Variants in SEC24B observed in about 807,000 individuals in gnomAD.
The protein encoded by SEC24B is protein transport protein Sec24B.
In SEC24B, 45 loss-of-function variants were observed where a neutral mutation model predicts 142.8. The ratio of observed to expected loss-of-function variants is 0.32; its 90% CI spans 0.25 to 0.40. The LOEUF is 0.40. Ranked by LOEUF, SEC24B falls within the 10% of genes least tolerant of loss-of-function variation. The probability of loss-of-function intolerance (pLI) is 1.00; values close to 1 mark genes in which losing one functional copy is unlikely to be tolerated. For synonymous variants in SEC24B, 574 were observed against 568.2 expected (o/e 1.01, Z -0.15); for missense variants, 1,409 against 1,526.8 (o/e 0.92, Z 1.29).
intron 1 of SEC24B, chr4:109,449,449 C>G (rs1318648715): frequency 2.3e-6 from 1 of 433,296 alleles, no homozygotes; most frequent in African/African-American, 2.1e-5. Context: ...CCAAGCTAGT[C>G]TTGAACTCCT....
At chr4:109,451,614 C>G (rs1254906141) in intron 1 of SEC24B, among the ~76,000 whole-genome samples, 1 of 152,160 alleles carries the variant, frequency 6.6e-6, no homozygotes, top group East Asian at 1.9e-4. Context: ...CTATCTTGTA[C>G]TTGCCTTATC....
chr4:109,488,196 T>C (rs1324574045), intron 4 of SEC24B, among the ~76,000 whole-genome samples: 1 of 152,196 alleles, frequency 6.6e-6, no homozygotes, highest in African/African-American at 2.4e-5. Context: ...CAACCATCAC[T>C]ACTATGTAAT....
chr4:109,527,258 T>C, intron 17 of SEC24B, 64 bp from the exon 18 acceptor site: 1 of 1,106,192 alleles, frequency 9.0e-7, no homozygotes. Context: ...AAAAAGTATT[T>C]GACATGTTTG....
In SEC24B at chr4:109,511,984, A is replaced by G. The variant is rs1737387718; in HGVS notation, c.1804A>G (p.Ile602Val). 1.9e-6 allele frequency: 3 copies of G among 1,613,756 alleles called. No individual in the cohort carries two copies. Among genetic ancestry groups the G allele is most frequent in the Non-Finnish European group, 2.5e-6 (3 of 1,179,892 alleles). ...TQLPVITSNT[I>V]VRCRSCRTYI... ...ATTACCAGTGATAACATCAAATACC[A>G]TTGTGAGGTGCCGATCCTGTCGAAC... is the stretch of plus-strand genomic sequence containing the variant. The change falls in exon 9 of 24, where the codon ATT becomes GTT. Residue 602 changes from isoleucine (I) to valine (V), a missense_variant. Transcript: ENST00000265175.
At position 109,520,478 on chromosome 4, in the gene SEC24B, A is replaced by G; in HGVS notation, c.2239A>G (p.Ile747Val). The part of the protein sequence containing the change: ...SQPQMLIVSD[I>V]DDVFLPTPDS... ...GCCTCAAATGTTGATTGTGTCTGAT[A>G]TAGATGGTAAGCAGTCAGTAAAATA... The change falls in exon 12 of 24, where the codon ATA becomes GTA. Residue 747 changes from isoleucine to valine, a missense_variant. Physicochemically the swap from Ile to Val is conservative, Grantham distance 29. This residue lies in a region of SEC24B where 700 missense variants were observed against 853.3 expected (regional missense o/e 0.82). Coordinates refer to ENST00000265175, the MANE Select transcript of SEC24B (RefSeq NM_006323.5). 1 of 1,576,074 alleles carries G rather than the reference A, an allele frequency of 6.3e-7. No homozygotes were observed. The highest frequency in any genetic ancestry group is 8.7e-7 in the Non-Finnish European group (1 of 1,147,288).
intron 4 of SEC24B, among the ~76,000 whole-genome samples, chr4:109,486,279 T>C (rs550032161): frequency 9.9e-5 from 15 of 152,238 alleles, no homozygotes; most frequent in Non-Finnish European, 1.3e-4. Flanking sequence ...GTTTGAGTTA[T>C]AGCCTTTTCA....
chr4:109,528,747 C>G (rs1724551881), intron 18 of SEC24B, among the ~76,000 whole-genome samples: 3 of 126,082 alleles, frequency 2.4e-5, no homozygotes. Context: ...TGTAGATGAA[C>G]TTAGACATGA....
intron 12 of SEC24B, among the ~76,000 whole-genome samples, chr4:109,520,821 C>T (rs146829391): frequency 0.019 from 2,931 of 152,084 alleles, 98 homozygotes; most frequent in African/African-American, 0.067. Flanking sequence ...GGAGAAACCC[C>T]GTCTCTGCTA....
chr4:109,448,276 A>G (rs1225359216), intron 1 of SEC24B, among the ~76,000 whole-genome samples: 1 of 152,096 alleles, frequency 6.6e-6, no homozygotes, highest in Non-Finnish European at 1.5e-5. Flanking sequence ...AAGGTAAACC[A>G]TTAGAAGGCA....
At chr4:109,495,860 AT>A (rs1437289749) in intron 6 of SEC24B, among the ~76,000 whole-genome samples, 3 of 152,120 alleles carry the variant, frequency 2.0e-5, no homozygotes, top group Non-Finnish European at 2.9e-5. Flanking sequence ...TCGTTAGAGA[AT>A]GGTTTGGGGC....
intron 3 of SEC24B, among the ~76,000 whole-genome samples, chr4:109,481,440 A>G (rs983068447): frequency 3.3e-5 from 5 of 152,222 alleles, no homozygotes; most frequent in Admixed American, 2.6e-4. Context: ...TGGACAATAC[A>G]TGATAGATAC....
chr4:109,491,449 A>T (rs776188076), intron 5 of SEC24B, 42 bp downstream of exon 5: 1 of 1,450,892 alleles, frequency 6.9e-7, no homozygotes, highest in Admixed American at 1.7e-5. Flanking sequence ...TTTGAAAGTT[A>T]TTGACCATCA....
At chr4:109,522,108 G>A (rs1441212415) in intron 14 of SEC24B, among the ~76,000 whole-genome samples, 19 of 150,484 alleles carry the variant, frequency 1.3e-4, no homozygotes, top group Non-Finnish European at 2.7e-4. Flanking sequence ...CTGGAGTGCA[G>A]TGGCGCGCTC....
At chr4:109,485,654 A>C (rs150858123) in intron 4 of SEC24B, among the ~76,000 whole-genome samples, 2 of 152,344 alleles carry the variant, frequency 1.3e-5, no homozygotes, top group Admixed American at 1.3e-4. Flanking sequence ...GGATGGGAAG[A>C]AAGTCTAGCT....
chr4:109,453,830 C>T (rs973027101), intron 1 of SEC24B, among the ~76,000 whole-genome samples: 34 of 152,158 alleles, frequency 2.2e-4, no homozygotes, highest in African/African-American at 7.5e-4. Context: ...TCTTCTGTCA[C>T]GGCTTCAGCA....
intron 1 of SEC24B, among the ~76,000 whole-genome samples, chr4:109,454,492 C>CG: frequency 6.6e-6 from 1 of 151,104 alleles, no homozygotes; most frequent in African/African-American, 2.4e-5. Context: ...GAGCTGAGAT[C>CG]GCACCACTGC....
In SEC24B at chr4:109,521,631, TTTATG is replaced by T; in HGVS notation, c.2508+8_2508+12del. The T allele has an allele frequency of 6.3e-7, 1 of 1,593,618 alleles. No homozygotes were observed. Among genetic ancestry groups the T allele is most frequent in the Non-Finnish European group, 8.6e-7 (1 of 1,164,554 alleles). On this transcript the variant is annotated splice_donor_region_variant and intron_variant, in intron 14 of 23. Transcript: ENST00000265175. The stretch of plus-strand genomic sequence containing the variant: ...AATCAGAGATCAAGTACAAAGGTAT[TTTATG>T]TTTAGTTTTTTGTCATATTCAAGAT...
intron 12 of SEC24B, 46 bp from the exon 13 acceptor site, chr4:109,521,071 A>C: frequency 8.4e-7 from 1 of 1,189,126 alleles, no homozygotes; most frequent in Non-Finnish European, 1.2e-6. Context: ...TTTCTAATGT[A>C]TTCTTTTGTT....
intron 7 of SEC24B, among the ~76,000 whole-genome samples, chr4:109,508,381 A>T (rs1226027170): frequency 6.6e-6 from 1 of 151,990 alleles, no homozygotes; most frequent in African/African-American, 2.4e-5. Flanking sequence ...CCTGGACAAC[A>T]TGGCGAAACC....
Sources: allele counts gnomAD v4.1 joint callset (sites outside exome capture counted in the v4.1 genomes callset), GRCh38; gene constraint gnomAD v4.1.1; regional missense constraint gnomAD v4.1.1; transcripts MANE v1.5; gene names NCBI Gene and HGNC (gene_info 2026-07-23, HGNC 2026-07-21).